Variants in FILIP1L observed in about 807,000 individuals in gnomAD.
FILIP1L encodes filamin A interacting protein 1 like.
In FILIP1L, 55 loss-of-function variants were observed where a neutral mutation model predicts 96.6. That is an observed-to-expected ratio of 0.57 (90% CI 0.46 to 0.71). FILIP1L has a LOEUF of 0.71. FILIP1L is among the 30% of genes least tolerant of loss of function. The pLI, the probability that FILIP1L is intolerant of heterozygous loss-of-function variation, is 0.00. For missense variants in FILIP1L, 1,304 were observed against 1,321.2 expected (o/e 0.99, Z 0.20); for synonymous variants, 467 against 473.9 (o/e 0.99, Z 0.19).
chr3:100,009,577 T>G (rs1342238012), intron 1 of FILIP1L, among the ~76,000 whole-genome samples: 1 of 152,218 alleles, frequency 6.6e-6, no homozygotes, highest in East Asian at 1.9e-4. Flanking sequence ...TTCCCCAGGT[T>G]GTTAATCTGG....
At chr3:100,066,060 T>TA (rs1176347859) in intron 1 of FILIP1L, among the ~76,000 whole-genome samples, 1 of 152,242 alleles carries the variant, frequency 6.6e-6, no homozygotes, top group Non-Finnish European at 1.5e-5. Flanking sequence ...GCCACTGCTA[T>TA]AAGGGATAAG....
intron 1 of FILIP1L, among the ~76,000 whole-genome samples, chr3:99,942,090 G>A (rs771175266): frequency 6.6e-6 from 1 of 151,956 alleles, no homozygotes; most frequent in South Asian, 2.1e-4. Context: ...GGTGGTGGGC[G>A]CCTGTAGTCC....
chr3:99,972,475 T>C (rs571701931), intron 1 of FILIP1L, among the ~76,000 whole-genome samples: 2 of 152,346 alleles, frequency 1.3e-5, no homozygotes, highest in African/African-American at 4.8e-5. Flanking sequence ...CCATTTTATT[T>C]CTCTCCATTA....
At chr3:100,108,406 A>G (rs1447146206) in intron 1 of FILIP1L, among the ~76,000 whole-genome samples, 1 of 152,188 alleles carries the variant, frequency 6.6e-6, no homozygotes, top group Non-Finnish European at 1.5e-5. Context: ...CAAGGCAGGT[A>G]CAATTCTTAT....
intron 1 of FILIP1L, among the ~76,000 whole-genome samples, chr3:100,057,252 C>G (rs993708444): frequency 1.3e-5 from 2 of 152,180 alleles, no homozygotes; most frequent in Non-Finnish European, 2.9e-5. Context: ...TGACTATTCT[C>G]CAAGAGTCTA....
At chr3:99,982,086 C>G (rs948526690) in intron 1 of FILIP1L, among the ~76,000 whole-genome samples, 1 of 151,768 alleles carries the variant, frequency 6.6e-6, no homozygotes, top group Non-Finnish European at 1.5e-5. Context: ...ACTTTTGTGA[C>G]GGTTGTTAGT....
chr3:99,985,553 C>A (rs1357470761), intron 1 of FILIP1L, among the ~76,000 whole-genome samples: 3 of 151,960 alleles, frequency 2.0e-5, no homozygotes, highest in Non-Finnish European at 4.4e-5. Flanking sequence ...TCTGATATTT[C>A]TCTTCAATCT....
chr3:99,985,341 G>A (rs772386811), intron 1 of FILIP1L, among the ~76,000 whole-genome samples: 2 of 151,994 alleles, frequency 1.3e-5, no homozygotes, highest in African/African-American at 2.4e-5. Context: ...AGACCAGCCC[G>A]AACAACATGG....
chr3:99,902,458 C>G (rs967934709), intron 4 of FILIP1L, among the ~76,000 whole-genome samples: 2 of 152,152 alleles, frequency 1.3e-5, no homozygotes, highest in African/African-American at 2.4e-5. Flanking sequence ...AAATGAAATA[C>G]CTTCTGATTC....
intron 3 of FILIP1L, chr3:99,925,749 A>C (rs1441170039): frequency 2.0e-6 from 1 of 500,680 alleles, no homozygotes; most frequent in Non-Finnish European, 2.6e-6. Flanking sequence ...TCCCAAGTGC[A>C]CTTGGTGGAA....
At chr3:99,944,262 C>G (rs182934874) in intron 1 of FILIP1L, among the ~76,000 whole-genome samples, 3 of 152,240 alleles carry the variant, frequency 2.0e-5, no homozygotes, top group Admixed American at 2.0e-4. Flanking sequence ...TGGCCAAGAA[C>G]CAGTGCTTGT....
rs960213010 is a variant in FILIP1L at position 99,837,967 on chromosome 3, A to C, written c.3382-7362T>G. On this transcript the variant is annotated intron_variant, in intron 5 of 5. Transcript: ENST00000477258. ...CACCTACTTATAAGCTCAGATGTGC[A>C]TGGTTGTGATGTTCCTTCCGTGAAT... Among the ~76,000 whole-genome samples the C allele has an allele frequency of 7.9e-5, 12 of 152,286 alleles. 1 individual carries two copies. The South Asian group carries it at 2.5e-3, about 32-fold the overall frequency.
chr3:100,046,612 C>T (rs1439770776), intron 1 of FILIP1L, among the ~76,000 whole-genome samples: 1 of 152,056 alleles, frequency 6.6e-6, no homozygotes, highest in Non-Finnish European at 1.5e-5. Context: ...AAAGAGGGGT[C>T]CTGTTGTCAT....
chr3:100,049,522 A>G (rs758233839), intron 1 of FILIP1L, among the ~76,000 whole-genome samples: 2 of 152,202 alleles, frequency 1.3e-5, no homozygotes, highest in Non-Finnish European at 2.9e-5. Flanking sequence ...AGTACAGAAA[A>G]TTAAAATAAT....
At chr3:99,869,361 G>A (rs1254271742) in intron 4 of FILIP1L, among the ~76,000 whole-genome samples, 1 of 152,106 alleles carries the variant, frequency 6.6e-6, no homozygotes, top group Admixed American at 6.5e-5. Context: ...AAATCACTTG[G>A]CAAAGTTACT....
intron 1 of FILIP1L, among the ~76,000 whole-genome samples, chr3:100,078,219 T>C (rs2065879336): frequency 6.6e-6 from 1 of 152,162 alleles, no homozygotes; most frequent in Admixed American, 6.5e-5. Context: ...TTTCAAAGTG[T>C]TGAAGTATAT....
At chr3:100,072,625 G>A (rs2065782087) in intron 1 of FILIP1L, among the ~76,000 whole-genome samples, 1 of 152,234 alleles carries the variant, frequency 6.6e-6, no homozygotes, top group Admixed American at 6.5e-5. Context: ...AGCTGGTACA[G>A]TCTTCTTTGC....
chr3:100,088,140 AT>A (rs1310809637), intron 1 of FILIP1L, among the ~76,000 whole-genome samples: 1 of 152,014 alleles, frequency 6.6e-6, no homozygotes, highest in African/African-American at 2.4e-5. Context: ...TCTAACTATA[AT>A]TTTTTTAAAC....
At chr3:99,976,257 G>A (rs1023078376) in intron 1 of FILIP1L, among the ~76,000 whole-genome samples, 1 of 152,150 alleles carries the variant, frequency 6.6e-6, no homozygotes, top group African/African-American at 2.4e-5. Flanking sequence ...TAGTCTACTT[G>A]AGGAGAGTAA....
Sources: allele counts gnomAD v4.1 joint callset (sites outside exome capture counted in the v4.1 genomes callset), GRCh38; gene constraint gnomAD v4.1.1; transcripts MANE v1.5; gene names NCBI Gene and HGNC (gene_info 2026-07-23, HGNC 2026-07-21).